PALLD: variants seen among roughly 807,000 people sequenced by gnomAD.
The protein encoded by PALLD is palladin.
A neutral mutation model predicts 123.5 loss-of-function variants in PALLD; 61 were observed. The ratio of observed to expected loss-of-function variants is 0.49; its 90% CI spans 0.40 to 0.61. PALLD has a LOEUF of 0.61. Among genes scored for constraint, PALLD ranks in the 20% least tolerant of loss-of-function variants. The pLI, the probability that PALLD is intolerant of heterozygous loss-of-function variation, is 0.00. For missense variants in PALLD, 1,273 were observed against 1,377.0 expected, an observed-to-expected ratio of 0.92 and a Z score of 1.20; for synonymous variants, 465 against 496.4, an observed-to-expected ratio of 0.94 and a Z score of 0.84.
chr4:168,662,657 G>A (rs1779237230), intron 2 of PALLD, among the ~76,000 whole-genome samples: 1 of 152,202 alleles, frequency 6.6e-6, no homozygotes, highest in Admixed American at 6.5e-5. Context: ...CCAGCAACAA[G>A]AATTTAATGT....
intron 10 of PALLD, among the ~76,000 whole-genome samples, chr4:168,797,427 C>T (rs114765634): frequency 6.6e-4 from 101 of 152,078 alleles, no homozygotes; most frequent in African/African-American, 2.3e-3. Context: ...CATCATCCCA[C>T]GCAGGGAGTT....
At chr4:168,902,029 G>A (rs1243870900) in intron 14 of PALLD, among the ~76,000 whole-genome samples, 1 of 152,102 alleles carries the variant, frequency 6.6e-6, no homozygotes, top group Non-Finnish European at 1.5e-5. Context: ...AAAAATACGA[G>A]TTTGAAAAGT....
At chr4:168,662,631 C>T (rs193006906) in intron 2 of PALLD, among the ~76,000 whole-genome samples, 1 of 152,358 alleles carries the variant, frequency 6.6e-6, no homozygotes, top group Admixed American at 6.5e-5. Context: ...CCTAGTATCT[C>T]TTTCCCTAAA....
At chr4:168,662,440 T>G (rs1240268482) in intron 2 of PALLD, among the ~76,000 whole-genome samples, 1 of 152,232 alleles carries the variant, frequency 6.6e-6, no homozygotes, top group Non-Finnish European at 1.5e-5. Flanking sequence ...TTTAGTTGCT[T>G]TGTAGCCTTA....
Position 168,796,016 on chromosome 4 carries a change from G to A in PALLD, c.1964+84093G>A, listed in dbSNP as rs75736008. Among the ~76,000 whole-genome samples the A allele has an allele frequency of 3.9e-5, 6 of 152,204 alleles. No individual in the cohort carries two copies. In the East Asian group the frequency reaches 9.6e-4, roughly 24 times the overall value. On this transcript the variant is annotated intron_variant, in intron 10 of 21. Coordinates refer to ENST00000505667, the MANE Select transcript of PALLD (RefSeq NM_001166108.2). ...TGAAATCATGGAGAATGGGGTACCCGTCCCCTGAATCATTTATCCTTTGTG... is the reference window on the plus strand; with the variant it reads ...TGAAATCATGGAGAATGGGGTACCCATCCCCTGAATCATTTATCCTTTGTG...
chr4:168,925,818 T>A (rs935197214), intron 21 of PALLD, among the ~76,000 whole-genome samples: 11 of 152,202 alleles, frequency 7.2e-5, no homozygotes, highest in Admixed American at 5.2e-4. Flanking sequence ...TCCTTTCAGT[T>A]GATTAGTGTT....
intron 2 of PALLD, among the ~76,000 whole-genome samples, chr4:168,576,263 T>G (rs1769572302): frequency 1.3e-5 from 2 of 151,816 alleles, no homozygotes; most frequent in South Asian, 4.1e-4. Flanking sequence ...ATACTTTGAG[T>G]TTTAGGGAAC....
At chr4:168,686,429 A>G (rs749539175) in intron 6 of PALLD, among the ~76,000 whole-genome samples, 5 of 151,842 alleles carry the variant, frequency 3.3e-5, no homozygotes, top group East Asian at 3.9e-4. Flanking sequence ...CCCGGTGTCC[A>G]TGTGTTCTCA....
At chr4:168,634,697 A>T (rs1428416548) in intron 2 of PALLD, among the ~76,000 whole-genome samples, 1 of 152,150 alleles carries the variant, frequency 6.6e-6, no homozygotes, top group Non-Finnish European at 1.5e-5. Context: ...TTGCGGTCAG[A>T]GTGATTTGGG....
chr4:168,697,859 A>G (rs147930080), intron 8 of PALLD, among the ~76,000 whole-genome samples: 3 of 152,324 alleles, frequency 2.0e-5, no homozygotes, highest in East Asian at 1.9e-4. Flanking sequence ...CAGCAATCTC[A>G]TTGCTGGATA....
chr4:168,610,898 A>G (rs576613848), intron 2 of PALLD, among the ~76,000 whole-genome samples: 1 of 152,098 alleles, frequency 6.6e-6, no homozygotes, highest in Admixed American at 6.5e-5. Context: ...GTACAGGGTG[A>G]CCTCTTTGCC....
At chr4:168,813,958 C>G (rs938877200) in intron 10 of PALLD, among the ~76,000 whole-genome samples, 5 of 152,036 alleles carry the variant, frequency 3.3e-5, no homozygotes, top group African/African-American at 1.2e-4. Flanking sequence ...TATCCCTGAG[C>G]CCAGGGGAAG....
intron 10 of PALLD, among the ~76,000 whole-genome samples, chr4:168,716,420 G>T (rs958379283): frequency 1.3e-5 from 2 of 152,166 alleles, no homozygotes; most frequent in Admixed American, 1.3e-4. Context: ...TAAATCAACA[G>T]CTCCCCTTGC....
Position 168,775,019 on chromosome 4 carries a change from A to G in PALLD, c.1964+63096A>G, listed in dbSNP as rs1734986248. Among the ~76,000 whole-genome samples, 5 of 152,174 alleles carry G rather than the reference A, an allele frequency of 3.3e-5. No individual in the cohort carries two copies. The South Asian group carries it at 1.0e-3, about 32-fold the overall frequency. On this transcript the variant is annotated intron_variant, in intron 10 of 21. Coordinates refer to ENST00000505667, the MANE Select transcript of PALLD (RefSeq NM_001166108.2). ...TTTATTGCTAAAGAGTATTTTTTGT[A>G]CATAAATATGATATCTATGCTTATA...
intron 2 of PALLD, among the ~76,000 whole-genome samples, chr4:168,622,579 G>A (rs1041691463): frequency 6.6e-6 from 1 of 152,186 alleles, no homozygotes; most frequent in Admixed American, 6.5e-5. Flanking sequence ...TCTTTAACAT[G>A]AGGGAATTTG....
chr4:168,872,059 C>T (rs1447455457), intron 10 of PALLD, among the ~76,000 whole-genome samples: 1 of 152,182 alleles, frequency 6.6e-6, no homozygotes, highest in East Asian at 1.9e-4. Context: ...GCACCATCTC[C>T]CCTACCTCTC....
chr4:168,644,994 G>A (rs1255714586), intron 2 of PALLD, among the ~76,000 whole-genome samples: 34 of 151,838 alleles, frequency 2.2e-4, no homozygotes, highest in African/African-American at 7.0e-4. Flanking sequence ...CCAGCTACTC[G>A]GGAAGCTGAG....
intron 2 of PALLD, among the ~76,000 whole-genome samples, chr4:168,632,114 T>C (rs1304424657): frequency 3.3e-5 from 5 of 150,598 alleles, no homozygotes; most frequent in African/African-American, 1.2e-4. Context: ...CGCGGGACTT[T>C]TCTGTTGTTG....
chr4:168,657,164 CAT>C (rs1349608574), intron 2 of PALLD, among the ~76,000 whole-genome samples: 3 of 152,238 alleles, frequency 2.0e-5, no homozygotes, highest in Admixed American at 2.0e-4. Context: ...TCACAGAACA[CAT>C]GTTCCATGGT....
Sources: gnomAD v4.1 joint callset for allele counts (sites outside exome capture counted in the v4.1 genomes callset) on GRCh38, gnomAD v4.1.1 for gene constraint, MANE v1.5 for transcripts, NCBI Gene and HGNC (gene_info 2026-07-23, HGNC 2026-07-21) for gene names.